MSANTD2: variants seen among roughly 807,000 people sequenced by gnomAD.
MSANTD2 encodes myb/SANT-like DNA-binding domain-containing protein 2.
Under a neutral mutation model 52.6 loss-of-function variants are expected in MSANTD2, and 19 were observed. The ratio of observed to expected loss-of-function variants is 0.36; its 90% CI spans 0.25 to 0.53. The LOEUF (loss-of-function observed/expected upper bound fraction) is 0.53, where lower values mean the gene tolerates loss of function less well. MSANTD2 is among the 20% of genes least tolerant of loss of function. The probability of loss-of-function intolerance (pLI) is 0.91; values close to 1 mark genes in which losing one functional copy is unlikely to be tolerated. For missense variants in MSANTD2, 558 were observed against 716.3 expected (o/e 0.78, Z 2.52); for synonymous variants, 291 against 289.7 (o/e 1.00, Z -0.04).
At chr11:124,789,898 G>GT (rs1251350408) in intron 1 of MSANTD2, 1 of 152,230 alleles carries the variant, frequency 6.6e-6, no homozygotes, top group Non-Finnish European at 1.5e-5. Context: ...ACAGAACACA[G>GT]TGGAGGAACC....
chr11:124,797,357 C>T (rs758053753), intron 1 of MSANTD2, among the ~76,000 whole-genome samples: 5 of 152,000 alleles, frequency 3.3e-5, no homozygotes, highest in South Asian at 2.1e-4. Context: ...ATTAGCTGGG[C>T]GTGGTAGTAA....
At chr11:124,794,357 T>G (rs564257115) in intron 1 of MSANTD2, among the ~76,000 whole-genome samples, 1 of 152,356 alleles carries the variant, frequency 6.6e-6, no homozygotes, top group East Asian at 1.9e-4. Context: ...AATATAAGTG[T>G]ATGATTGGTA....
At position 124,779,451 on chromosome 11, in the gene MSANTD2, T is replaced by C. The variant is rs150473205; in HGVS notation, c.511-4477A>G. On this transcript the variant is annotated intron_variant, in intron 1 of 3. Transcript: ENST00000374979. The surrounding 1 kb of genome is among the most constrained non-coding windows in gnomAD (Gnocchi z 4.6). ...TTTTCTCAAAGTTTGCCCCATTTCA[T>C]ACAATCATAAAATATTCACCAGGAC... Among the ~76,000 whole-genome samples the C allele has an allele frequency of 6.6e-6, 1 of 152,322 alleles. No individual in the cohort carries two copies. Among genetic ancestry groups the C allele is most frequent in the African/African-American group, 2.4e-5 (1 of 41,560 alleles).
In MSANTD2 at chr11:124,800,183, G is replaced by A. The variant is rs779349974; in HGVS notation, c.198C>T (p.Leu66=). 112 of 1,468,846 alleles carry A rather than the reference G, an allele frequency of 7.6e-5. 1 individual carries two copies. The East Asian group carries it at 2.9e-3, about 38-fold the overall frequency. The allele number at this position is 1,468,846 out of a possible 1,614,324, so 91.0% of individuals were successfully genotyped here. The part of the protein sequence containing the change: ...AGSGAAASGG[L]GLGLGGRSAA... Reference sequence around the variant, plus strand: ...CGCTGCGGCCCCCCAGCCCCAGCCCGAGACCCCCGGACGCCGCTGCCCCCG... The same window carrying A: ...CGCTGCGGCCCCCCAGCCCCAGCCCAAGACCCCCGGACGCCGCTGCCCCCG... Residue 66 remains leucine (L), a synonymous_variant, in exon 1 of 4, where the codon CTC becomes CTT. Coordinates refer to ENST00000374979, the MANE Select transcript of MSANTD2 (RefSeq NM_001308027.2). This position sits in a 1 kb window ranked among gnomAD's most constrained non-coding sequence, Gnocchi z 4.3.
At chr11:124,781,899 T>C (rs1056615358) in intron 1 of MSANTD2, among the ~76,000 whole-genome samples, 2 of 152,120 alleles carry the variant, frequency 1.3e-5, no homozygotes, top group African/African-American at 4.8e-5. Flanking sequence ...GTGATCTGCC[T>C]GCCTTGGCCT....
chr11:124,778,174 C>G (rs1944816678), intron 1 of MSANTD2, among the ~76,000 whole-genome samples: 2 of 152,252 alleles, frequency 1.3e-5, no homozygotes, highest in African/African-American at 4.8e-5. Context: ...AAAAACGAAG[C>G]CTCAATTCCC....
intron 1 of MSANTD2, chr11:124,784,494 C>T (rs984539163): frequency 3.4e-6 from 3 of 875,386 alleles, no homozygotes; most frequent in Middle Eastern, 5.8e-4. Context: ...CCCCCCCCCG[C>T]CACCTCAAAA....
intron 1 of MSANTD2, among the ~76,000 whole-genome samples, chr11:124,798,407 A>T (rs1221770279): frequency 1.3e-5 from 2 of 152,116 alleles, no homozygotes. Context: ...AACCTTAATG[A>T]CGTTGAATAG....
At chr11:124,784,261 G>A in intron 1 of MSANTD2, 2 of 985,244 alleles carry the variant, frequency 2.0e-6, no homozygotes, top group Non-Finnish European at 2.4e-6. Context: ...GCACCTCTTT[G>A]AATCTTTTTC....
chr11:124,791,308 A>C (rs751044024), intron 1 of MSANTD2: 1 of 1,435,876 alleles, frequency 7.0e-7, no homozygotes, highest in Middle Eastern at 1.8e-4. Flanking sequence ...CTGTGGCTGG[A>C]GGGTCTCCAG....
In MSANTD2 at chr11:124,772,976, G is replaced by A. The variant is rs1470085914; in HGVS notation, c.827+18C>T. ...CTTAGGCAGACACACTTTCTGGAAAGGTGAAGCATCTACTTACTGTGCTTC... is the reference window on the plus strand; with the variant it reads ...CTTAGGCAGACACACTTTCTGGAAAAGTGAAGCATCTACTTACTGTGCTTC... On this transcript the variant is annotated intron_variant, in intron 3 of 3. Transcript: ENST00000374979. 2.0e-6 allele frequency: 3 copies of A among 1,488,586 alleles called. No individual in the cohort carries two copies. The highest frequency in any genetic ancestry group is 2.8e-6 in the Non-Finnish European group (3 of 1,066,760). The allele number at this position is 1,488,586 out of a possible 1,614,324, so 92.2% of individuals were successfully genotyped here. A position where few individuals can be genotyped will look rare whatever the true frequency, so the allele number is the denominator to read the frequency against.
At chr11:124,791,406 C>T in intron 1 of MSANTD2, 1 of 1,335,678 alleles carries the variant, frequency 7.5e-7, no homozygotes, top group South Asian at 1.2e-5. Context: ...AACCTTAGAA[C>T]TCAGTGTACA....
chr11:124,784,495 C>T, intron 1 of MSANTD2: 1 of 984,996 alleles, frequency 1.0e-6, no homozygotes, highest in Non-Finnish European at 1.2e-6. Flanking sequence ...CCCCCCCCGC[C>T]ACCTCAAAAA....
At chr11:124,777,247 G>A (rs890480611) in intron 1 of MSANTD2, among the ~76,000 whole-genome samples, 1 of 152,174 alleles carries the variant, frequency 6.6e-6, no homozygotes, top group African/African-American at 2.4e-5. Flanking sequence ...CCCTTCCAAG[G>A]CCATAAATGG....
chr11:124,767,735 T>C lies in MSANTD2; in HGVS notation c.1121A>G (p.Lys374Arg). The C allele has an allele frequency of 6.2e-7, 1 of 1,614,216 alleles. No homozygotes were observed. The highest frequency in any genetic ancestry group is 8.5e-7 in the Non-Finnish European group (1 of 1,180,032). ...QKMNWKNVYY[K>R]FLEITISEAR... Reference sequence around the variant, plus strand: ...TTCGCTAATAGTGATCTCTAAAAATTTGTAGTAAACATTTTTCCAGTTCAT... The same window carrying C: ...TTCGCTAATAGTGATCTCTAAAAATCTGTAGTAAACATTTTTCCAGTTCAT... Residue 374 changes from lysine to arginine, a missense_variant, in exon 4 of 4, where the codon AAA (lysine) becomes AGA (arginine). Lys to Arg is a conservative substitution (Grantham distance 26). This residue lies in a region of MSANTD2 where 408 missense variants were observed against 573.6 expected (regional missense o/e 0.71). Coordinates refer to ENST00000374979, the MANE Select transcript of MSANTD2 (RefSeq NM_001308027.2). The surrounding 1 kb of genome is among the most constrained non-coding windows in gnomAD (Gnocchi z 6.5).
At chr11:124,799,311 A>G (rs1002695629) in intron 1 of MSANTD2, among the ~76,000 whole-genome samples, 3 of 152,216 alleles carry the variant, frequency 2.0e-5, no homozygotes, top group African/African-American at 7.2e-5. Flanking sequence ...AATTCTCCAA[A>G]GCATCTCTAG....
intron 3 of MSANTD2, among the ~76,000 whole-genome samples, chr11:124,771,157 A>G (rs1944504848): frequency 6.6e-6 from 1 of 152,052 alleles, no homozygotes; most frequent in Admixed American, 6.5e-5. Context: ...CGTGAGCATG[A>G]GTCACCACGC....
At chr11:124,788,995 G>A (rs555613910) in intron 1 of MSANTD2, among the ~76,000 whole-genome samples, 52 of 152,108 alleles carry the variant, frequency 3.4e-4, no homozygotes, top group African/African-American at 1.2e-3. Flanking sequence ...TTGAAGGCAG[G>A]GTTTTGTCAG....
At chr11:124,784,709 G>A in intron 1 of MSANTD2, 2 of 970,416 alleles carry the variant, frequency 2.1e-6, no homozygotes, top group Non-Finnish European at 2.4e-6. Context: ...CATCTATAGT[G>A]CAAAGATAAC....
Sources: gnomAD v4.1 joint callset for allele counts (sites outside exome capture counted in the v4.1 genomes callset) on GRCh38, gnomAD v4.1.1 for gene constraint, gnomAD v4.1.1 regional missense constraint, Gnocchi (gnomAD v3.1) non-coding constraint, MANE v1.5 for transcripts, NCBI Gene and HGNC (gene_info 2026-07-23, HGNC 2026-07-21) for gene names.